IQGAP1: variants seen among roughly 807,000 people sequenced by gnomAD.
IQGAP1 encodes the protein ras GTPase-activating-like protein IQGAP1.
In IQGAP1, 66 loss-of-function variants were observed where a neutral mutation model predicts 215.6. That is an observed-to-expected ratio of 0.31 (90% confidence interval 0.25 to 0.38). The LOEUF is 0.38. Ranked by LOEUF, IQGAP1 falls within the 10% of genes least tolerant of loss-of-function variation. IQGAP1 has a pLI of 1.00. For synonymous variants in IQGAP1, 772 were observed against 728.7 expected, an observed-to-expected ratio of 1.06 and a Z score of -0.96; for missense variants, 1,712 against 1,997.1, an observed-to-expected ratio of 0.86 and a Z score of 2.72.
intron 2 of IQGAP1, among the ~76,000 whole-genome samples, chr15:90,423,006 T>C (rs1380730145): frequency 1.3e-5 from 2 of 151,832 alleles, no homozygotes; most frequent in Admixed American, 1.3e-4. Flanking sequence ...TTTTTAGATA[T>C]ATATTATATT....
In IQGAP1 at chr15:90,456,268, C is replaced by G. The variant is rs748994449; in HGVS notation, c.1729C>G (p.Gln577Glu). 3.7e-6 allele frequency: 6 copies of G among 1,614,004 alleles called. No homozygotes were observed. In the South Asian group the frequency reaches 6.6e-5, roughly 18 times the overall value. Reference protein sequence around the residue: ...KLEGVLAEVAQHYQDTLIRAK... With the variant: ...KLEGVLAEVAEHYQDTLIRAK... ...TGAGGGAGTCCTTGCAGAAGTGGCC[C>G]AGCATTACCAAGACACGCTGATTAG... Residue 577 changes from glutamine (Q) to glutamate (E), a missense_variant, in exon 15 of 38, where the codon CAG becomes GAG. Physicochemically the swap from Gln to Glu is conservative, Grantham distance 29. Transcript: ENST00000268182.
rs376758923 is a variant in IQGAP1, at chr15:90,398,181, C to T, written c.155+7308C>T. On this transcript the variant is annotated intron_variant, in intron 2 of 37. Transcript: ENST00000268182. The stretch of plus-strand genomic sequence containing the variant: ...GATTACAGACATGAGCCACTGTGCC[C>T]GGCCTCCTGAATTTTCACATTAAAT... Among the ~76,000 whole-genome samples the T allele has an allele frequency of 4.9e-3, 747 of 152,148 alleles. 4 individuals are homozygous for T. The highest frequency in any genetic ancestry group is 0.017 in the African/African-American group (711 of 41,480).
At chr15:90,489,393 G>A (rs1443939066) in intron 33 of IQGAP1, among the ~76,000 whole-genome samples, 1 of 152,148 alleles carries the variant, frequency 6.6e-6, no homozygotes, top group Non-Finnish European at 1.5e-5. Context: ...CTCTCAAAGT[G>A]CTGGGATTAC....
intron 34 of IQGAP1, among the ~76,000 whole-genome samples, chr15:90,492,224 G>A (rs1000532083): frequency 2.0e-5 from 3 of 152,094 alleles, no homozygotes; most frequent in Admixed American, 1.3e-4. Flanking sequence ...AGCACTTTCT[G>A]AGACCAAGGC....
At chr15:90,421,303 C>T (rs574374694) in intron 2 of IQGAP1, among the ~76,000 whole-genome samples, 2 of 152,044 alleles carry the variant, frequency 1.3e-5, no homozygotes, top group African/African-American at 4.8e-5. Context: ...TGGTGAAACC[C>T]CATCTCTACT....
At chr15:90,424,939 A>T (rs547038204) in intron 2 of IQGAP1, among the ~76,000 whole-genome samples, 3 of 152,156 alleles carry the variant, frequency 2.0e-5, no homozygotes, top group African/African-American at 7.2e-5. Context: ...AAATTTAAGT[A>T]TATGTATATT....
In IQGAP1 at chr15:90,499,052, G is replaced by A. The variant is rs1158161384; in HGVS notation, c.4861-943G>A. Among the ~76,000 whole-genome samples, 6 of 152,190 alleles carry A rather than the reference G, an allele frequency of 3.9e-5. No homozygotes were observed. The East Asian group carries it at 5.8e-4, about 15-fold the overall frequency. On this transcript the variant is annotated intron_variant, in intron 37 of 37. Transcript: ENST00000268182. ...AGGCTGGTCTCTAACTCGTGACTTC[G>A]TGATCCGCCTGCCTCGGCCTCCCAA...
intron 35 of IQGAP1, chr15:90,494,237 C>T (rs1966243406): frequency 6.6e-6 from 1 of 152,326 alleles, no homozygotes; most frequent in African/African-American, 2.4e-5. Context: ...AGCCTCCTAA[C>T]CTGTTTCTTT....
chr15:90,479,811 G>A (rs1329829740), intron 26 of IQGAP1, among the ~76,000 whole-genome samples: 5 of 152,016 alleles, frequency 3.3e-5, no homozygotes, highest in Non-Finnish European at 7.4e-5. Context: ...CTGTTATCAG[G>A]ACTCAGATCA....
intron 18 of IQGAP1, among the ~76,000 whole-genome samples, chr15:90,471,538 T>G (rs796705552): frequency 1.3e-5 from 2 of 152,162 alleles, no homozygotes; most frequent in African/African-American, 4.8e-5. Flanking sequence ...TCGCTCTTGT[T>G]GCCCAGGCTG....
chr15:90,440,352 G>A (rs1223387729), intron 6 of IQGAP1, 150 bp from the exon 7 acceptor site: 5 of 582,834 alleles, frequency 8.6e-6, no homozygotes, highest in African/African-American at 7.5e-5. Context: ...TGTGTTAAGT[G>A]CTTTCCATAC....
At chr15:90,437,938 CAT>C (rs1242688107) in intron 5 of IQGAP1, among the ~76,000 whole-genome samples, 1 of 152,186 alleles carries the variant, frequency 6.6e-6, no homozygotes, top group East Asian at 1.9e-4. Context: ...ATCATATACA[CAT>C]GACTTATACT....
intron 2 of IQGAP1, among the ~76,000 whole-genome samples, chr15:90,412,516 A>G (rs1331293573): frequency 6.6e-6 from 1 of 152,082 alleles, no homozygotes; most frequent in Non-Finnish European, 1.5e-5. Context: ...AGCACATACC[A>G]CAAGTCTTTC....
chr15:90,492,808 C>T lies in IQGAP1; in HGVS notation c.4628+97C>T, dbSNP rs1045821355. On this transcript the variant is annotated intron_variant, in intron 35 of 37. Coordinates refer to ENST00000268182, the MANE Select transcript of IQGAP1 (RefSeq NM_003870.4). The stretch of plus-strand genomic sequence containing the variant: ...ACACTGGAAATTTTTACTTAAAATA[C>T]ACTGGATCTATTTATTGCATTAGTC... The T allele has an allele frequency of 7.7e-6, 7 of 914,162 alleles. No individual in the cohort carries two copies. In the African/African-American group the frequency reaches 1.2e-4, roughly 15 times the overall value. 56.6% of individuals were successfully genotyped at this position (914,162 alleles called of 1,614,324 possible).
At chr15:90,453,036 A>C in intron 12 of IQGAP1, 96 bp from the exon 13 acceptor site, 2 of 1,553,618 alleles carry the variant, frequency 1.3e-6, no homozygotes, top group Non-Finnish European at 1.7e-6. Flanking sequence ...TTTTTGCATA[A>C]ACTTGGTTTT....
At chr15:90,456,452 C>T in intron 15 of IQGAP1, 137 bp downstream of exon 15, 3 of 759,946 alleles carry the variant, frequency 3.9e-6, no homozygotes, top group Non-Finnish European at 6.1e-6. Flanking sequence ...ACTGGAGGGA[C>T]ACAAAAATGT....
At chr15:90,484,915 G>A (rs2151036487) in intron 30 of IQGAP1, among the ~76,000 whole-genome samples, 1 of 152,226 alleles carries the variant, frequency 6.6e-6, no homozygotes, top group Middle Eastern at 3.4e-3. Context: ...GAAGTTTCCT[G>A]GACACCGCCC....
In IQGAP1 at chr15:90,453,229, T is replaced by C; in HGVS notation, c.1424T>C (p.Val475Ala). 1 of 1,614,012 alleles carries C rather than the reference T, an allele frequency of 6.2e-7. No homozygotes were observed. The highest frequency in any genetic ancestry group is 8.5e-7 in the Non-Finnish European group (1 of 1,179,960). The change falls in exon 13 of 38, where the codon GTG becomes GCG. Residue 475 changes from valine (V) to alanine (A), a missense_variant. This residue lies in a region of IQGAP1 where 1,021 missense variants were observed against 1,074.2 expected (regional missense o/e 0.95). Transcript: ENST00000268182. ...RALESGDVNT[V>A]WKQLSSSVTG... ...TTGGAATCAGGAGATGTGAATACAG[T>C]GTGGAAGCAATTGAGCAGTTCAGTT... is the stretch of plus-strand genomic sequence containing the variant.
chr15:90,462,759 C>CT (rs1023696026), intron 15 of IQGAP1, among the ~76,000 whole-genome samples: 7 of 152,120 alleles, frequency 4.6e-5, no homozygotes, highest in African/African-American at 1.4e-4. Flanking sequence ...ATTGCCCACT[C>CT]TTTTTTTAAA....
Sources: gnomAD v4.1 joint callset for allele counts (sites outside exome capture counted in the v4.1 genomes callset) on GRCh38, gnomAD v4.1.1 for gene constraint, gnomAD v4.1.1 regional missense constraint, MANE v1.5 for transcripts, NCBI Gene and HGNC (gene_info 2026-07-23, HGNC 2026-07-21) for gene names.